Variants in CWC22 observed in about 807,000 individuals in gnomAD.
The protein encoded by CWC22 is pre-mRNA-splicing factor CWC22 homolog.
In CWC22, 53 loss-of-function variants were observed where a neutral mutation model predicts 117.2. The observed-to-expected ratio is 0.45, with a 90% CI of 0.36 to 0.57. The LOEUF (loss-of-function observed/expected upper bound fraction) is 0.57. Among genes scored for constraint, CWC22 ranks in the 20% least tolerant of loss-of-function variants. CWC22 has a pLI of 0.00. For synonymous variants in CWC22, 360 were observed against 355.6 expected (o/e 1.01, Z -0.14); for missense variants, 980 against 1,068.8 (o/e 0.92, Z 1.16).
chr2:179,983,301 G>T (rs1191843702), intron 4 of CWC22, among the ~76,000 whole-genome samples: 1 of 151,890 alleles, frequency 6.6e-6, no homozygotes, highest in Admixed American at 6.6e-5. Context: ...AGTGTGTGTT[G>T]TTCTCCATGT....
chr2:179,950,779 GA>G, intron 18 of CWC22, 45 bp downstream of exon 18: 2 of 1,597,120 alleles, frequency 1.3e-6, no homozygotes, highest in Non-Finnish European at 1.7e-6. Context: ...AGACAATTAT[GA>G]GATAATTTTA....
chr2:179,989,587 C>A (rs904151281), intron 2 of CWC22, among the ~76,000 whole-genome samples: 1 of 152,060 alleles, frequency 6.6e-6, no homozygotes, highest in Admixed American at 6.6e-5. Flanking sequence ...AAGCACTATT[C>A]CAAATTTTTT....
intron 1 of CWC22, among the ~76,000 whole-genome samples, chr2:180,005,692 T>C (rs1009683303): frequency 3.3e-5 from 5 of 152,366 alleles, no homozygotes; most frequent in African/African-American, 1.2e-4. Context: ...TCATCAACTG[T>C]ATCATAGTAG....
intron 1 of CWC22, among the ~76,000 whole-genome samples, chr2:179,995,088 A>AG (rs1489226257): frequency 6.6e-6 from 1 of 152,218 alleles, no homozygotes; most frequent in African/African-American, 2.4e-5. Context: ...ACTGCACTCC[A>AG]GCCTGGGCAA....
intron 17 of CWC22, 70 bp downstream of exon 17, chr2:179,952,401 G>A: frequency 8.4e-7 from 1 of 1,184,106 alleles, no homozygotes; most frequent in Non-Finnish European, 1.1e-6. Flanking sequence ...TCTCGGATGG[G>A]CTTATGTCTG....
Position 179,950,889 on chromosome 2 carries a change from C to A in CWC22, c.1855G>T (p.Asp619Tyr), listed in dbSNP as rs1378813100. ...GCAAACCGAGTGTTTCTTGGATTAT[C>A]TCGGGGTAATAATCCTTCAAAGAAT... ...QPFFEGLLPRDNPRNTRFAIN... is the reference protein window; with the variant it reads ...QPFFEGLLPRYNPRNTRFAIN... Residue 619 changes from aspartate to tyrosine, a missense_variant, in exon 18 of 20, where the codon GAT becomes TAT. Asp to Tyr is a radical substitution (Grantham distance 160). Coordinates refer to ENST00000410053, the MANE Select transcript of CWC22 (RefSeq NM_020943.3). 2.5e-6 allele frequency: 4 copies of A among 1,584,150 alleles called. No homozygotes were observed. Among genetic ancestry groups the A allele is most frequent in the Non-Finnish European group, 3.4e-6 (4 of 1,163,912 alleles).
chr2:179,963,429 G>C (rs1214508749), intron 13 of CWC22, among the ~76,000 whole-genome samples: 1 of 120,932 alleles, frequency 8.3e-6, no homozygotes, highest in South Asian at 2.9e-4. Context: ...TGCAAGCTCC[G>C]CCTCCCAGGT....
At chr2:179,945,745 T>A (rs769324316) in intron 19 of CWC22, 30 bp from the exon 20 acceptor site, 3 of 1,274,990 alleles carry the variant, frequency 2.4e-6, no homozygotes, top group African/African-American at 3.0e-5. Context: ...GACAGTTAGC[T>A]TTTATTTCAA....
At chr2:180,003,062 A>AT (rs1687883939) in intron 1 of CWC22, among the ~76,000 whole-genome samples, 1 of 152,220 alleles carries the variant, frequency 6.6e-6, no homozygotes, top group South Asian at 2.1e-4. Context: ...TTCTGCCTAC[A>AT]TAGAACTTCC....
intron 1 of CWC22, among the ~76,000 whole-genome samples, chr2:180,001,173 T>G (rs1463972295): frequency 1.3e-5 from 2 of 152,216 alleles, no homozygotes; most frequent in Admixed American, 1.3e-4. Flanking sequence ...AGAAAAATTC[T>G]ACATGTTGAA....
rs1322884373 is a variant in CWC22 at position 179,988,664 on chromosome 2, G to T, written c.28-20C>A. 1 of 1,373,920 alleles carries T rather than the reference G, an allele frequency of 7.3e-7. No homozygotes were observed. Among genetic ancestry groups the T allele is most frequent in the South Asian group, 1.5e-5 (1 of 68,574 alleles). The allele number at this position is 1,373,920 out of a possible 1,614,324, so 85.1% of individuals were successfully genotyped here. On this transcript the variant is annotated intron_variant, in intron 2 of 19. Coordinates refer to ENST00000410053, the MANE Select transcript of CWC22 (RefSeq NM_020943.3). Reference sequence around the variant, plus strand: ...AGAAGGCTTTAAAAGAGGAAAAGGGGAAAACATTTCAAAAATTATTTATGT... The same window carrying T: ...AGAAGGCTTTAAAAGAGGAAAAGGGTAAAACATTTCAAAAATTATTTATGT...
intron 1 of CWC22, among the ~76,000 whole-genome samples, chr2:180,001,361 T>C (rs759298976): frequency 6.6e-6 from 1 of 151,678 alleles, no homozygotes; most frequent in Non-Finnish European, 1.5e-5. Context: ...AGAGTCTGAC[T>C]GTCACCCAGG....
chr2:179,966,836 C>G (rs1686903203), intron 11 of CWC22, among the ~76,000 whole-genome samples: 1 of 152,090 alleles, frequency 6.6e-6, no homozygotes. Context: ...GTTCTGGGAC[C>G]AATTCACTTT....
At chr2:179,993,178 G>A (rs1438747022) in intron 2 of CWC22, 137 bp downstream of exon 2, 7 of 643,460 alleles carry the variant, frequency 1.1e-5, no homozygotes. Flanking sequence ...TGCAAAAACT[G>A]CAATTACTTT....
At chr2:180,000,914 C>A (rs571481872) in intron 1 of CWC22, among the ~76,000 whole-genome samples, 1 of 152,162 alleles carries the variant, frequency 6.6e-6, no homozygotes, top group South Asian at 2.1e-4. Flanking sequence ...TACCCCCATT[C>A]ATTTCCTGTA....
At chr2:180,004,702 C>G (rs1276754231) in intron 1 of CWC22, among the ~76,000 whole-genome samples, 4 of 151,720 alleles carry the variant, frequency 2.6e-5, no homozygotes, top group Admixed American at 2.6e-4. Context: ...CCCCCCTCCC[C>G]CCCAGGAGAG....
In CWC22 at chr2:179,981,768, T is replaced by A; in HGVS notation, c.436A>T (p.Ile146Phe). The A allele has an allele frequency of 6.2e-7, 1 of 1,613,586 alleles. No homozygotes were observed. Among genetic ancestry groups the A allele is most frequent in the Non-Finnish European group, 8.5e-7 (1 of 1,179,632 alleles). ...PAKLRMMQEQITDKNSLAYQR... is the reference protein window; with the variant it reads ...PAKLRMMQEQFTDKNSLAYQR... ...TAAACATGCCTGTTTTTATCTGTAA[T>A]CTGTTCCTGCATCATCCTGAGCTTT... is the stretch of plus-strand genomic sequence containing the variant. The change falls in exon 5 of 20, where the codon ATT (isoleucine) becomes TTT (phenylalanine). Residue 146 changes from isoleucine to phenylalanine, a missense_variant. Ile to Phe is a conservative substitution (Grantham distance 21, BLOSUM62 0). This residue lies in a region of CWC22 where 559 missense variants were observed against 602.3 expected (regional missense o/e 0.93). Coordinates refer to ENST00000410053, the MANE Select transcript of CWC22 (RefSeq NM_020943.3).
At chr2:179,947,290 C>T (rs1277422295) in intron 19 of CWC22, among the ~76,000 whole-genome samples, 3 of 152,172 alleles carry the variant, frequency 2.0e-5, no homozygotes, top group Non-Finnish European at 4.4e-5. Context: ...AACAGCTCAG[C>T]TGAGCTGCAG....
chr2:179,989,523 T>A (rs538334115), intron 2 of CWC22, among the ~76,000 whole-genome samples: 2 of 152,180 alleles, frequency 1.3e-5, no homozygotes, highest in African/African-American at 4.8e-5. Context: ...GTGTCTGATA[T>A]GTATTATACT....
Sources: allele counts gnomAD v4.1 joint callset (sites outside exome capture counted in the v4.1 genomes callset), GRCh38; gene constraint gnomAD v4.1.1; regional missense constraint gnomAD v4.1.1; transcripts MANE v1.5; gene names NCBI Gene and HGNC (gene_info 2026-07-23, HGNC 2026-07-21).